CSMD2: variants seen among roughly 807,000 people sequenced by gnomAD.
CSMD2 encodes CUB and sushi domain-containing protein 2.
A neutral mutation model predicts 398.5 loss-of-function variants in CSMD2; 130 were observed. That is an observed-to-expected ratio of 0.33 (90% CI 0.28 to 0.38). The LOEUF (loss-of-function observed/expected upper bound fraction) is 0.38. CSMD2 is among the 10% of genes least tolerant of loss of function. CSMD2 has a pLI of 1.00. For synonymous variants in CSMD2, 1,828 were observed against 1,908.5 expected (o/e 0.96, Z 1.10); for missense variants, 3,829 against 4,764.9 (o/e 0.80, Z 5.78).
At chr1:33,836,775 G>T (rs1660320932) in intron 6 of CSMD2, among the ~76,000 whole-genome samples, 1 of 152,168 alleles carries the variant, frequency 6.6e-6, no homozygotes, top group Non-Finnish European at 1.5e-5. Flanking sequence ...CCTTTCCTTG[G>T]CTAGGAAAGC....
chr1:33,590,212 C>T lies in CSMD2; in HGVS notation c.6857-3044G>A, dbSNP rs1321512387. 6.6e-5 allele frequency among the ~76,000 whole-genome samples: 10 copies of T among 151,660 alleles called. No individual in the cohort carries two copies. In the East Asian group the frequency reaches 1.9e-3, roughly 29 times the overall value. ...TCATGGTTCACTGCAGCCTTGACCT[C>T]CTGGGCTTAAGCTATCCTCTCACCT... On this transcript the variant is annotated intron_variant, in intron 44 of 70. Coordinates refer to ENST00000373381, the MANE Select transcript of CSMD2 (RefSeq NM_001281956.2).
intron 53 of CSMD2, among the ~76,000 whole-genome samples, chr1:33,566,276 TA>T (rs1659046255): frequency 6.8e-6 from 1 of 147,630 alleles, no homozygotes; most frequent in Non-Finnish European, 1.5e-5. Flanking sequence ...TATTAGACTT[TA>T]GGATAAAGGG....
intron 1 of CSMD2, among the ~76,000 whole-genome samples, chr1:34,119,553 A>G (rs1373603351): frequency 1.3e-5 from 2 of 152,186 alleles, no homozygotes; most frequent in African/African-American, 4.8e-5. Context: ...ATATACAGAG[A>G]ACTCCTCTAA....
At chr1:34,136,884 G>T (rs10914875) in intron 1 of CSMD2, among the ~76,000 whole-genome samples, 62,242 of 151,786 alleles carry the variant, frequency 0.41, 13,261 homozygotes, top group East Asian at 0.68. Context: ...CTCATTTCAT[G>T]GCTATAATCT....
intron 28 of CSMD2, 34 bp downstream of exon 28, chr1:33,652,289 C>A: frequency 1.9e-6 from 3 of 1,611,150 alleles, no homozygotes; most frequent in Non-Finnish European, 2.5e-6. Context: ...CCACTCTGAA[C>A]CCTTCGTCTC....
chr1:33,714,448 G>A lies in CSMD2; in HGVS notation c.3406+139C>T, dbSNP rs561546675. 1.4e-4 allele frequency: 135 copies of A among 983,290 alleles called. 2 individuals carry two copies. Among genetic ancestry groups the A allele is most frequent in the South Asian group, 9.1e-4 (58 of 63,776 alleles). The allele number at this position is 983,290 out of a possible 1,614,324, so 60.9% of individuals were successfully genotyped here. The stretch of plus-strand genomic sequence containing the variant: ...AGAAGGAGGTTAGGTTACCTGCCCC[G>A]GGTCCCACTGCAGGTAAGTGTGGTA... On this transcript the variant is annotated intron_variant, in intron 21 of 70. Transcript: ENST00000373381.
At chr1:33,862,256 G>A (rs1192393861) in intron 5 of CSMD2, 1 of 151,796 alleles carries the variant, frequency 6.6e-6, no homozygotes, top group Non-Finnish European at 1.5e-5. Context: ...TCTTAAATCT[G>A]CTAGCTTCCC....
chr1:33,542,652 C>T, intron 58 of CSMD2, 68 bp downstream of exon 58: 1 of 1,417,360 alleles, frequency 7.1e-7, no homozygotes, highest in Non-Finnish European at 9.6e-7. Context: ...CCATGGATAG[C>T]CTTCTCCTCT....
At chr1:33,945,571 G>A (rs1487340925) in intron 3 of CSMD2, among the ~76,000 whole-genome samples, 1 of 152,098 alleles carries the variant, frequency 6.6e-6, no homozygotes, top group South Asian at 2.1e-4. Context: ...GACCTGAGAA[G>A]GTTTGGGATA....
intron 2 of CSMD2, among the ~76,000 whole-genome samples, chr1:34,067,408 G>A (rs1655234996): frequency 6.6e-6 from 1 of 152,130 alleles, no homozygotes; most frequent in Non-Finnish European, 1.5e-5. Context: ...TTAGGTGGGG[G>A]GTGCATTCTT....
chr1:33,582,571 A>C (rs1003239348), intron 47 of CSMD2, among the ~76,000 whole-genome samples: 1 of 152,194 alleles, frequency 6.6e-6, no homozygotes, highest in African/African-American at 2.4e-5. Context: ...TTCTTCCCCC[A>C]AAAGACCTAC....
At chr1:34,057,136 C>A (rs972838206) in intron 2 of CSMD2, among the ~76,000 whole-genome samples, 1 of 152,158 alleles carries the variant, frequency 6.6e-6, no homozygotes, top group Admixed American at 6.5e-5. Context: ...GAAAGCCTAG[C>A]AGCACTGCTG....
intron 13 of CSMD2, among the ~76,000 whole-genome samples, chr1:33,751,671 G>T (rs1341695109): frequency 6.6e-6 from 1 of 152,196 alleles, no homozygotes; most frequent in Non-Finnish European, 1.5e-5. Flanking sequence ...TGCCAGGCTG[G>T]AGTGCAGTGG....
intron 60 of CSMD2, among the ~76,000 whole-genome samples, chr1:33,540,176 T>G (rs570187894): frequency 6.6e-6 from 1 of 152,182 alleles, no homozygotes; most frequent in African/African-American, 2.4e-5. Flanking sequence ...TCTGTGCAGG[T>G]CATTTTTCAT....
rs913918616 is a variant in CSMD2, at chr1:33,625,394, G to T, written c.5297-140C>A. On this transcript the variant is annotated intron_variant, in intron 33 of 70. Transcript: ENST00000373381. ...GATGCTCTCCCGTAGGGAAGGGCTC[G>T]AGGGCTAACTAGGAGGATGCCTGTT... 21 of 752,290 alleles carry T rather than the reference G, an allele frequency of 2.8e-5. No individual in the cohort carries two copies. The East Asian group carries it at 5.4e-4, about 19-fold the overall frequency. 46.6% of individuals were successfully genotyped at this position (752,290 alleles called of 1,614,324 possible). A position where few individuals can be genotyped will look rare whatever the true frequency, so the allele number is the denominator to read the frequency against.
At chr1:34,089,307 A>G (rs1302493780) in intron 1 of CSMD2, 114 bp from the exon 2 acceptor site, 2 of 991,506 alleles carry the variant, frequency 2.0e-6, no homozygotes, top group Non-Finnish European at 3.1e-6. Context: ...AGTGCTTCCC[A>G]TGAGCCAGCC....
chr1:33,991,169 T>C (rs6425868), intron 3 of CSMD2, among the ~76,000 whole-genome samples: 84,236 of 151,822 alleles, frequency 0.55, 24,067 homozygotes, highest in African/African-American at 0.68. Context: ...CCATGTCTGG[T>C]TGATATTTTT....
intron 5 of CSMD2, among the ~76,000 whole-genome samples, chr1:33,876,940 G>T (rs1640881528): frequency 6.6e-6 from 1 of 152,180 alleles, no homozygotes; most frequent in South Asian, 2.1e-4. Flanking sequence ...GATTCAGGTT[G>T]CTGCAGTCTA....
At chr1:34,067,975 A>G (rs1367284520) in intron 2 of CSMD2, among the ~76,000 whole-genome samples, 1 of 152,234 alleles carries the variant, frequency 6.6e-6, no homozygotes, top group African/African-American at 2.4e-5. Context: ...CCCACTGTGC[A>G]GATGGCATGT....
Sources: allele counts gnomAD v4.1 joint callset (sites outside exome capture counted in the v4.1 genomes callset), GRCh38; gene constraint gnomAD v4.1.1; transcripts MANE v1.5; gene names NCBI Gene and HGNC (gene_info 2026-07-23, HGNC 2026-07-21).